Variants in DENND4C observed in about 807,000 individuals in gnomAD.
DENND4C encodes DENN domain containing 4C, also known as DENN domain-containing protein 4C.
DENND4C carries 108 observed loss-of-function variants against 203.0 expected under a neutral mutation model. The ratio of observed to expected loss-of-function variants is 0.53; its 90% CI spans 0.46 to 0.62. DENND4C has a LOEUF of 0.62. Ranked by LOEUF, DENND4C falls within the 20% of genes least tolerant of loss-of-function variation. The probability of loss-of-function intolerance (pLI) is 0.00; values close to 1 mark genes in which losing one functional copy is unlikely to be tolerated. For missense variants in DENND4C, 2,481 were observed against 2,301.2 expected, an observed-to-expected ratio of 1.08 and a Z score of -1.60; for synonymous variants, 871 against 792.4, an observed-to-expected ratio of 1.10 and a Z score of -1.67.
In DENND4C at chr9:19,361,920, T is replaced by G; in HGVS notation, c.5481T>G (p.His1827Gln). 6.2e-7 allele frequency: 1 copy of G among 1,611,932 alleles called. No individual in the cohort carries two copies. The highest frequency in any genetic ancestry group is 8.5e-7 in the Non-Finnish European group (1 of 1,178,094). ...IQLLWDNINLHQEPREPLYVS... is the reference protein window; with the variant it reads ...IQLLWDNINLQQEPREPLYVS... ...TGTTATGGGATAATATCAACCTTCA[T>G]CAGGAACCAAGAGAACCTCTGTATG... is the stretch of plus-strand genomic sequence containing the variant. Residue 1827 changes from histidine (H) to glutamine (Q), a missense_variant, in exon 30 of 33, where the codon CAT becomes CAG. By Grantham distance (24) the His-to-Gln change is conservative (BLOSUM62 0). Coordinates refer to ENST00000434457, the MANE Select transcript of DENND4C (RefSeq NM_001330640.2).
rs906134758 is a variant in DENND4C at position 19,345,956 on chromosome 9, C to G, written c.3187C>G (p.Pro1063Ala). Residue 1063 changes from proline (P) to alanine (A), a missense_variant, in exon 23 of 33, where the codon CCA becomes GCA. By Grantham distance (27) the Pro-to-Ala change is conservative. This residue lies in a region of DENND4C where 2,289 missense variants were observed against 2,113.3 expected (regional missense o/e 1.08). Transcript: ENST00000434457. ...AAATGTGCTGTTTTCTACTCAAGAT[C>G]CAGTTGAAGATGCAGTCTTTGGCGA... ...ISNVLFSTQD[P>A]VEDAVFGEAT... 1 of 1,613,650 alleles carries G rather than the reference C, an allele frequency of 6.2e-7. No individual in the cohort carries two copies. The highest frequency in any genetic ancestry group is 8.5e-7 in the Non-Finnish European group (1 of 1,179,930).
chr9:19,343,930 CAAT>C (rs1480342509), intron 22 of DENND4C, among the ~76,000 whole-genome samples: 1 of 152,078 alleles, frequency 6.6e-6, no homozygotes, highest in African/African-American at 2.4e-5. Flanking sequence ...CTATGAGAAC[CAAT>C]AATATTTGCA....
intron 1 of DENND4C, among the ~76,000 whole-genome samples, chr9:19,231,873 C>G (rs1399750002): frequency 6.6e-6 from 1 of 151,674 alleles, no homozygotes; most frequent in South Asian, 2.1e-4. Flanking sequence ...CCCTAATTTA[C>G]GTAGGAATAG....
intron 1 of DENND4C, among the ~76,000 whole-genome samples, chr9:19,239,886 G>A (rs1035746835): frequency 6.6e-6 from 1 of 152,140 alleles, no homozygotes; most frequent in Non-Finnish European, 1.5e-5. Flanking sequence ...GGTTTATCTT[G>A]CTGTTGTTGG....
rs143035207 is a variant in DENND4C at position 19,284,912 on chromosome 9, C to T, written c.306-1857C>T. On this transcript the variant is annotated intron_variant, in intron 2 of 32. Transcript: ENST00000434457. ...TTATTTTATGTAGTTTATTTTTCTACTCCCATATTTTATTGGTACTGGATT... is the reference window on the plus strand; with the variant it reads ...TTATTTTATGTAGTTTATTTTTCTATTCCCATATTTTATTGGTACTGGATT... Among the ~76,000 whole-genome samples, 767 of 152,178 alleles carry T rather than the reference C, an allele frequency of 5.0e-3. 6 individuals are homozygous for T. Among genetic ancestry groups the T allele is most frequent in the African/African-American group, 0.018 (727 of 41,534 alleles).
intron 10 of DENND4C, among the ~76,000 whole-genome samples, chr9:19,307,656 A>G (rs1412146806): frequency 6.6e-6 from 1 of 151,238 alleles, no homozygotes; most frequent in African/African-American, 2.4e-5. Context: ...TGTAATCCCA[A>G]CTACTCGGGA....
chr9:19,306,044 TAAGTA>T (rs560848702), intron 10 of DENND4C, among the ~76,000 whole-genome samples: 122 of 152,292 alleles, frequency 8.0e-4, no homozygotes, highest in Non-Finnish European at 1.2e-3. Flanking sequence ...AGGTGATAAT[TAAGTA>T]CAGCAGTGGT....
chr9:19,230,575 C>T (rs1177323740), upstream of DENND4C: 3 of 152,170 alleles, frequency 2.0e-5, no homozygotes, highest in Non-Finnish European at 4.4e-5. Context: ...CGACGCGCCG[C>T]CCGCACTGTC....
Position 19,290,756 on chromosome 9 carries a change from A to G in DENND4C, c.681A>G (p.Glu227=). 1 of 1,590,182 alleles carries G rather than the reference A, an allele frequency of 6.3e-7. No individual in the cohort carries two copies. Among genetic ancestry groups the G allele is most frequent in the East Asian group, 2.3e-5 (1 of 44,442 alleles). The change falls in exon 5 of 33, where the codon GAA becomes GAG. Residue 227 remains glutamate (E), a synonymous_variant. Coordinates refer to ENST00000434457, the MANE Select transcript of DENND4C (RefSeq NM_001330640.2). The stretch of plus-strand genomic sequence containing the variant: ...ACTATGAGTCATTTCCACTCTCAGA[A>G]TCAGATGTACCTCTTTTCTGCCTTC... ...EEDYESFPLS[E]SDVPLFCLPM...
chr9:19,370,175 G>A, intron 31 of DENND4C, 188 bp downstream of exon 31: 1 of 709,092 alleles, frequency 1.4e-6, no homozygotes, highest in Non-Finnish European at 2.2e-6. Context: ...AAGTGTCTGG[G>A]GGCTTGGCAC....
chr9:19,260,321 GATT>G (rs996458737), intron 1 of DENND4C, among the ~76,000 whole-genome samples: 3 of 151,668 alleles, frequency 2.0e-5, no homozygotes, highest in Admixed American at 6.6e-5. Context: ...TTTAAAACTG[GATT>G]ATTAGATTTT....
chr9:19,256,276 T>A (rs530495792), intron 1 of DENND4C, among the ~76,000 whole-genome samples: 8 of 150,838 alleles, frequency 5.3e-5, no homozygotes, highest in South Asian at 2.1e-4. Context: ...TTTAAAAAAA[T>A]TTTTCTTTTT....
At chr9:19,261,594 C>G (rs1263324138) in intron 1 of DENND4C, among the ~76,000 whole-genome samples, 1 of 151,826 alleles carries the variant, frequency 6.6e-6, no homozygotes, top group African/African-American at 2.4e-5. Context: ...TCTTGACCTC[C>G]TAGGCTCAAG....
upstream of DENND4C, chr9:19,230,599 C>T (rs1820256764): frequency 6.6e-6 from 1 of 152,218 alleles, no homozygotes; most frequent in African/African-American, 2.4e-5. Context: ...CGGCTCACAG[C>T]GCGGAGGCAC....
intron 26 of DENND4C, 66 bp downstream of exon 26, chr9:19,352,731 G>A: frequency 7.7e-7 from 1 of 1,304,924 alleles, no homozygotes; most frequent in Non-Finnish European, 1.0e-6. Flanking sequence ...TGGGAGAAGA[G>A]TGAAATATTC....
intron 12 of DENND4C, among the ~76,000 whole-genome samples, chr9:19,321,521 A>T (rs995252909): frequency 1.3e-5 from 2 of 151,318 alleles, no homozygotes; most frequent in African/African-American, 4.9e-5. Context: ...TTTTAGATGG[A>T]AAAAAGAGAC....
intron 16 of DENND4C, among the ~76,000 whole-genome samples, chr9:19,331,207 C>CTTTTTTTTTTTTTTTTT (rs750304776): frequency 7.1e-6 from 1 of 141,818 alleles, no homozygotes; most frequent in Non-Finnish European, 1.5e-5. Context: ...GGAATAGGTC[C>CTTTTTTTTTTTTTTTTT]TTTTTTTTTT....
In DENND4C at chr9:19,230,732, C is replaced by G. The variant is rs1283265101; in HGVS notation, c.-119C>G. On this transcript the variant is annotated 5_prime_UTR_variant, in exon 1 of 33. Coordinates refer to ENST00000434457, the MANE Select transcript of DENND4C (RefSeq NM_001330640.2). The stretch of plus-strand genomic sequence containing the variant: ...CGGCGGCGGCCGCTGGAGCTAGTCC[C>G]CCGCCCTGCCCTGCCGAGCGCGCCC... 2.6e-5 allele frequency: 4 copies of G among 152,350 alleles called. No individual in the cohort carries two copies. Among genetic ancestry groups the G allele is most frequent in the East Asian group, 1.9e-4 (1 of 5,148 alleles). The allele number at this position is 152,350 out of a possible 1,614,324, so 9.4% of individuals were successfully genotyped here.
At chr9:19,311,316 G>T (rs1307529023) in intron 10 of DENND4C, among the ~76,000 whole-genome samples, 2 of 152,052 alleles carry the variant, frequency 1.3e-5, no homozygotes, top group African/African-American at 4.8e-5. Context: ...AGTAGAGACA[G>T]GATTTCACCA....
Sources: allele counts gnomAD v4.1 joint callset (sites outside exome capture counted in the v4.1 genomes callset), GRCh38; gene constraint gnomAD v4.1.1; regional missense constraint gnomAD v4.1.1; transcripts MANE v1.5; gene names NCBI Gene and HGNC (gene_info 2026-07-23, HGNC 2026-07-21).